Variants in ZNF175 observed in about 807,000 individuals in gnomAD.
The protein encoded by ZNF175 is zinc finger protein 175, also known as zinc finger protein OTK18.
Under a neutral mutation model 14.0 loss-of-function variants are expected in ZNF175, and 8 were observed. That is an observed-to-expected ratio of 0.57 (90% CI 0.34 to 1.03). ZNF175 has a LOEUF of 1.03. ZNF175 is among the 50% of genes least tolerant of loss of function. ZNF175 has a pLI of 0.03. For synonymous variants in ZNF175, 255 were observed against 296.8 expected, an observed-to-expected ratio of 0.86 and a Z score of 1.45; for missense variants, 764 against 849.5, an observed-to-expected ratio of 0.90 and a Z score of 1.25.
intron 2 of ZNF175, among the ~76,000 whole-genome samples, chr19:51,580,009 TGTAA>T (rs1981943479): frequency 6.6e-6 from 1 of 152,036 alleles, no homozygotes; most frequent in South Asian, 2.1e-4. Flanking sequence ...TTTTAATATA[TGTAA>T]TATTAAAATA....
At chr19:51,576,350 A>G (rs1014356809) in intron 2 of ZNF175, among the ~76,000 whole-genome samples, 1 of 152,158 alleles carries the variant, frequency 6.6e-6, no homozygotes, top group East Asian at 1.9e-4. Flanking sequence ...GGGTTTCACC[A>G]TGTTGGGCAG....
chr19:51,575,654 C>G (rs1741958879), intron 2 of ZNF175, among the ~76,000 whole-genome samples: 1 of 152,206 alleles, frequency 6.6e-6, no homozygotes, highest in Non-Finnish European at 1.5e-5. Context: ...ATATTTTTAC[C>G]AAAGTTCCAG....
In ZNF175 at chr19:51,589,322, C is replaced by T. The variant is rs765801751; in HGVS notation, c.*855C>T. 92 of 555,452 alleles carry T rather than the reference C, an allele frequency of 1.7e-4. 1 individual carries two copies. Among genetic ancestry groups the T allele is most frequent in the Admixed American group, 2.6e-4 (8 of 30,194 alleles). The allele number at this position is 555,452 out of a possible 1,614,324, so 34.4% of individuals were successfully genotyped here. A position where few individuals can be genotyped will look rare whatever the true frequency, so the allele number is the denominator to read the frequency against. On this transcript the variant is annotated 3_prime_UTR_variant, in exon 5 of 5. Transcript: ENST00000262259. ...GTGCAGTGGGGTTTGCTGCAGAATT[C>T]ACTGCATAGCAGGAGATGTAAGCAG...
intron 4 of ZNF175, among the ~76,000 whole-genome samples, chr19:51,586,367 A>G (rs1982162250): frequency 6.6e-6 from 1 of 152,228 alleles, no homozygotes; most frequent in Non-Finnish European, 1.5e-5. Context: ...AACACCCATC[A>G]TCGCTACCTC....
At chr19:51,583,213 T>C (rs947500985) in intron 4 of ZNF175, among the ~76,000 whole-genome samples, 2 of 152,156 alleles carry the variant, frequency 1.3e-5, no homozygotes, top group African/African-American at 4.8e-5. Flanking sequence ...GAACTCTTAG[T>C]CCTCATATTT....
chr19:51,575,215 T>G (rs1174092057), intron 2 of ZNF175, among the ~76,000 whole-genome samples: 1 of 134,212 alleles, frequency 7.5e-6, no homozygotes, highest in Non-Finnish European at 1.6e-5. Context: ...AGAGGTTTTT[T>G]TTTTTTTTTT....
rs200667551 is a variant in ZNF175, at chr19:51,581,476, G to A, written c.158G>A (p.Arg53Gln). The change falls in exon 3 of 5, where the codon CGG becomes CAG. Residue 53 changes from arginine to glutamine, a missense_variant. By Grantham distance (43) the Arg-to-Gln change is conservative. Transcript: ENST00000262259. Reference protein sequence around the residue: ...QLDPAQRCLYRDVMLELYSHL... With the variant: ...QLDPAQRCLYQDVMLELYSHL... ...GACCCTGCCCAGAGATGCCTGTACC[G>A]GGATGTGATGCTGGAGCTCTATAGC... 7.9e-5 allele frequency: 128 copies of A among 1,614,112 alleles called. 2 individuals carry two copies. In the East Asian group the frequency reaches 2.3e-3, roughly 29 times the overall value.
chr19:51,581,718 A>G (rs1389646992), intron 3 of ZNF175, 69 bp from the exon 4 acceptor site: 1 of 1,578,418 alleles, frequency 6.3e-7, no homozygotes, highest in Non-Finnish European at 8.6e-7. Context: ...AGCCAGTGTA[A>G]AGCTTCATTG....
Position 51,581,693 on chromosome 19 carries a change from T to C in ZNF175, c.200-94T>C, listed in dbSNP as rs189652164. 939 of 1,538,426 alleles carry C rather than the reference T, an allele frequency of 6.1e-4. 4 individuals are homozygous for C. The African/African-American group carries it at 0.012, about 20-fold the overall frequency. On this transcript the variant is annotated intron_variant, in intron 3 of 4. Transcript: ENST00000262259. ...ATTATTTTGTGCCCAGTGGAAAATG[T>C]TGACTTTTCTAATGAGCCAGTGTAA...
chr19:51,577,885 A>C (rs62113338), intron 2 of ZNF175, among the ~76,000 whole-genome samples: 28 of 150,982 alleles, frequency 1.9e-4, no homozygotes, highest in Admixed American at 3.3e-4. Context: ...GGATGGTCTC[A>C]ATCTCCTGAC....
At position 51,590,135 on chromosome 19, in the gene ZNF175, G is replaced by C. The variant is rs58908671; in HGVS notation, c.*1668G>C. Reference sequence around the variant, plus strand: ...TTTGCTAAAAAACGGAGAGGGAACTGTTATCAATACTTCCGAGAAGCAGAC... The same window carrying C: ...TTTGCTAAAAAACGGAGAGGGAACTCTTATCAATACTTCCGAGAAGCAGAC... On this transcript the variant is annotated 3_prime_UTR_variant, in exon 5 of 5. Coordinates refer to ENST00000262259, the MANE Select transcript of ZNF175 (RefSeq NM_007147.4). 4.0e-3 allele frequency: 614 copies of C among 153,194 alleles called. 28 individuals are homozygous for C. The East Asian group carries it at 0.079, about 20-fold the overall frequency. 9.5% of individuals were successfully genotyped at this position (153,194 alleles called of 1,614,324 possible).
rs757201512 is a variant in ZNF175, at chr19:51,581,414, G to A, written c.96G>A (p.Val32=). ...AGGCATCAGTGTCATTTGAGGACGT[G>A]ACCGTGGACTTCAGCAGGGAGGAGT... The part of the protein sequence containing the change: ...SCEASVSFED[V]TVDFSREEWQ... Residue 32 remains valine, a synonymous_variant, in exon 3 of 5, where the codon GTG becomes GTA. Transcript: ENST00000262259. 7 of 1,614,040 alleles carry A rather than the reference G, an allele frequency of 4.3e-6. No homozygotes were observed. Among genetic ancestry groups the A allele is most frequent in the Non-Finnish European group, 5.9e-6 (7 of 1,180,034 alleles).
rs1982382699 is a variant in ZNF175, at chr19:51,592,481, T to C, written c.*4014T>C. 1 of 556,192 alleles carries C rather than the reference T, an allele frequency of 1.8e-6. No homozygotes were observed. The highest frequency in any genetic ancestry group is 1.9e-5 in the African/African-American group (1 of 52,754). 34.5% of individuals were successfully genotyped at this position (556,192 alleles called of 1,614,324 possible). ...TCAACAAACATGGAATTTCATTAAA[T>C]CTGAAATAAAGGTATTTTGAGAAAT... On this transcript the variant is annotated 3_prime_UTR_variant, in exon 5 of 5. Coordinates refer to ENST00000262259, the MANE Select transcript of ZNF175 (RefSeq NM_007147.4).
At position 51,588,740 on chromosome 19, in the gene ZNF175, A is replaced by C; in HGVS notation, c.*273A>C. On this transcript the variant is annotated 3_prime_UTR_variant, in exon 5 of 5. Coordinates refer to ENST00000262259, the MANE Select transcript of ZNF175 (RefSeq NM_007147.4). ...TCTCCCCGGGAAGAAACCCTGACTA[A>C]CGCATTGAGAAAAGCCTTTCTGTAA... 2.3e-6 allele frequency: 1 copy of C among 428,456 alleles called. No individual in the cohort carries two copies. 26.5% of individuals were successfully genotyped at this position (428,456 alleles called of 1,614,324 possible).
chr19:51,573,880 A>G (rs1046550016), intron 2 of ZNF175: 6 of 181,306 alleles, frequency 3.3e-5, no homozygotes, highest in African/African-American at 1.4e-4. Flanking sequence ...GAGGCTTTTA[A>G]GGACCATGTG....
chr19:51,571,754 A>G (rs1981592803), intron 1 of ZNF175, among the ~76,000 whole-genome samples: 1 of 152,068 alleles, frequency 6.6e-6, no homozygotes, highest in Non-Finnish European at 1.5e-5. Flanking sequence ...ACGTTCAGGG[A>G]AGGGATTCAC....
At position 51,588,517 on chromosome 19, in the gene ZNF175, T is replaced by C. The variant is rs371456854; in HGVS notation, c.*50T>C. The C allele has an allele frequency of 2.7e-6, 4 of 1,495,432 alleles. No individual in the cohort carries two copies. The highest frequency in any genetic ancestry group is 3.5e-6 in the Non-Finnish European group (4 of 1,131,048). 92.6% of individuals were successfully genotyped at this position (1,495,432 alleles called of 1,614,324 possible). ...TAAATGAAATATACTCCGAGTTTCT[T>C]GAAGAAGAGAAAATCTTCTCAGAAT... On this transcript the variant is annotated 3_prime_UTR_variant, in exon 5 of 5. Coordinates refer to ENST00000262259, the MANE Select transcript of ZNF175 (RefSeq NM_007147.4).
intron 4 of ZNF175, among the ~76,000 whole-genome samples, chr19:51,582,735 CT>C (rs759771158): frequency 6.6e-6 from 1 of 151,876 alleles, no homozygotes; most frequent in East Asian, 1.9e-4. Context: ...AGTTTTCTGC[CT>C]TTTTTTTCCA....
In ZNF175 at chr19:51,590,633, C is replaced by T. The variant is rs2122582675; in HGVS notation, c.*2166C>T. 1 of 152,366 alleles carries T rather than the reference C, an allele frequency of 6.6e-6. No homozygotes were observed. Among genetic ancestry groups the T allele is most frequent in the Middle Eastern group, 3.4e-3 (1 of 296 alleles). 9.4% of individuals were successfully genotyped at this position (152,366 alleles called of 1,614,324 possible). A position where few individuals can be genotyped will look rare whatever the true frequency, so the allele number is the denominator to read the frequency against. On this transcript the variant is annotated 3_prime_UTR_variant, in exon 5 of 5. Transcript: ENST00000262259. Reference sequence around the variant, plus strand: ...GCACATGCAGGAGCCTGTGCTGGGCCCTGGAGAGCAAATCTGTTCTGTGTC... The same window carrying T: ...GCACATGCAGGAGCCTGTGCTGGGCTCTGGAGAGCAAATCTGTTCTGTGTC...
Sources: allele counts gnomAD v4.1 joint callset (sites outside exome capture counted in the v4.1 genomes callset), GRCh38; gene constraint gnomAD v4.1.1; transcripts MANE v1.5; gene names NCBI Gene and HGNC (gene_info 2026-07-23, HGNC 2026-07-21).